HS6ST3: variants seen among roughly 807,000 people sequenced by gnomAD.
HS6ST3 encodes the protein heparan-sulfate 6-O-sulfotransferase 3.
A neutral mutation model predicts 36.7 loss-of-function variants in HS6ST3; 12 were observed. That is an observed-to-expected ratio of 0.33 (90% CI 0.21 to 0.53). The LOEUF (loss-of-function observed/expected upper bound fraction) is 0.53, where lower values mean the gene tolerates loss of function less well. Ranked by LOEUF, HS6ST3 falls within the 20% of genes least tolerant of loss-of-function variation. HS6ST3 has a pLI of 0.95. For missense variants in HS6ST3, 584 were observed against 640.9 expected (o/e 0.91, Z 0.96); for synonymous variants, 240 against 257.5 (o/e 0.93, Z 0.65).
chr13:96,577,596 C>A (rs2056326577), intron 1 of HS6ST3, among the ~76,000 whole-genome samples: 1 of 152,032 alleles, frequency 6.6e-6, no homozygotes, highest in Non-Finnish European at 1.5e-5. Context: ...ATCGCCTATC[C>A]ATCTGACAAA....
At chr13:96,609,123 C>G (rs896902680) in intron 1 of HS6ST3, among the ~76,000 whole-genome samples, 5 of 141,242 alleles carry the variant, frequency 3.5e-5, no homozygotes, top group African/African-American at 9.9e-5. Context: ...GCGCCCGCCA[C>G]CACGCCCAGC....
At chr13:96,668,686 C>CTTTTTTT (rs146033180) in intron 1 of HS6ST3, among the ~76,000 whole-genome samples, 18 of 58,940 alleles carry the variant, frequency 3.1e-4, no homozygotes, top group African/African-American at 5.4e-4. Context: ...TAGTGCCAAC[C>CTTTTTTT]TTTTTTTTTT....
intron 1 of HS6ST3, among the ~76,000 whole-genome samples, chr13:96,210,584 CT>C (rs201409959): frequency 0.054 from 7,828 of 144,684 alleles, 272 homozygotes; most frequent in Admixed American, 0.13. Context: ...TCATTTCTTT[CT>C]TTTTTTTTTT....
rs80108518 is a variant in HS6ST3 at position 96,493,035 on chromosome 13, A to G, written c.708-339455A>G. On this transcript the variant is annotated intron_variant, in intron 1 of 1. Coordinates refer to ENST00000376705, the MANE Select transcript of HS6ST3 (RefSeq NM_153456.4). ...GCGAGGACAACTTTAATTTCTCAGA[A>G]CCACGCTTAGAAAAAGTTGCCCTTC... is the stretch of plus-strand genomic sequence containing the variant. 5.2e-4 allele frequency among the ~76,000 whole-genome samples: 79 copies of G among 152,250 alleles called. 1 individual carries two copies. Among genetic ancestry groups the G allele is most frequent in the African/African-American group, 1.7e-3 (72 of 41,536 alleles).
intron 1 of HS6ST3, among the ~76,000 whole-genome samples, chr13:96,453,643 G>A (rs2139486946): frequency 6.6e-6 from 1 of 152,142 alleles, no homozygotes; most frequent in African/African-American, 2.4e-5. Flanking sequence ...CGGGTTCTAG[G>A]GTAGAATTAT....
intron 1 of HS6ST3, among the ~76,000 whole-genome samples, chr13:96,255,047 T>C (rs938593817): frequency 1.3e-5 from 2 of 152,196 alleles, no homozygotes; most frequent in Admixed American, 1.3e-4. Flanking sequence ...GATATTCCAT[T>C]TTTCTTACTT....
chr13:96,508,820 T>C (rs947656867), intron 1 of HS6ST3, among the ~76,000 whole-genome samples: 2 of 152,176 alleles, frequency 1.3e-5, no homozygotes, highest in African/African-American at 4.8e-5. Flanking sequence ...CAGTTTTGAA[T>C]GTGCTGCTAT....
intron 1 of HS6ST3, among the ~76,000 whole-genome samples, chr13:96,223,348 T>G (rs2054464768): frequency 6.6e-6 from 1 of 152,214 alleles, no homozygotes; most frequent in Non-Finnish European, 1.5e-5. Context: ...GCGTGCTTGT[T>G]GTGTTGGTCA....
intron 1 of HS6ST3, among the ~76,000 whole-genome samples, chr13:96,291,339 A>G (rs1379878596): frequency 1.3e-5 from 2 of 152,208 alleles, no homozygotes; most frequent in African/African-American, 4.8e-5. Context: ...GGGCTTGTTT[A>G]GTATTGATGA....
At chr13:96,272,217 C>T (rs997410875) in intron 1 of HS6ST3, among the ~76,000 whole-genome samples, 3 of 151,926 alleles carry the variant, frequency 2.0e-5, no homozygotes, top group Admixed American at 6.6e-5. Context: ...GCTTGGAATT[C>T]AAAACATATT....
chr13:96,347,350 A>G (rs376142204), intron 1 of HS6ST3, among the ~76,000 whole-genome samples: 53 of 152,302 alleles, frequency 3.5e-4, no homozygotes, highest in African/African-American at 1.3e-3. Flanking sequence ...CATTCATCCC[A>G]ACCACTTTTA....
intron 1 of HS6ST3, among the ~76,000 whole-genome samples, chr13:96,152,989 C>T (rs1174791405): frequency 1.3e-5 from 2 of 152,168 alleles, no homozygotes; most frequent in Admixed American, 1.3e-4. Flanking sequence ...CATTTCCCCT[C>T]CCTACCTGTT....
chr13:96,744,872 T>C (rs900101408), intron 1 of HS6ST3, among the ~76,000 whole-genome samples: 1 of 152,110 alleles, frequency 6.6e-6, no homozygotes, highest in African/African-American at 2.4e-5. Flanking sequence ...TCTACATACT[T>C]GGGCTGTGTT....
At chr13:96,261,419 G>A (rs2139383370) in intron 1 of HS6ST3, among the ~76,000 whole-genome samples, 1 of 152,138 alleles carries the variant, frequency 6.6e-6, no homozygotes, top group African/African-American at 2.4e-5. Flanking sequence ...AAGGGCATAT[G>A]GAACTGTGAA....
intron 1 of HS6ST3, among the ~76,000 whole-genome samples, chr13:96,769,259 A>G (rs1877197629): frequency 6.6e-6 from 1 of 152,298 alleles, no homozygotes; most frequent in East Asian, 1.9e-4. Context: ...TTAGAGAGCC[A>G]TTAGGATAGA....
At chr13:96,618,081 C>T (rs1199278628) in intron 1 of HS6ST3, among the ~76,000 whole-genome samples, 1 of 152,052 alleles carries the variant, frequency 6.6e-6, no homozygotes, top group Non-Finnish European at 1.5e-5. Context: ...TTGGGCAACC[C>T]CTGTGAGCCT....
chr13:96,804,928 G>A (rs1878160629), intron 1 of HS6ST3, among the ~76,000 whole-genome samples: 1 of 152,094 alleles, frequency 6.6e-6, no homozygotes, highest in Admixed American at 6.5e-5. Flanking sequence ...ACATATATAT[G>A]TATTTATGTA....
intron 1 of HS6ST3, among the ~76,000 whole-genome samples, chr13:96,213,456 C>A (rs1045081505): frequency 2.6e-5 from 4 of 152,124 alleles, no homozygotes; most frequent in Non-Finnish European, 5.9e-5. Context: ...GACAGCTGAG[C>A]TGAACACCAA....
intron 1 of HS6ST3, among the ~76,000 whole-genome samples, chr13:96,400,155 T>TCACACACACA (rs55957302): frequency 0.024 from 3,509 of 145,400 alleles, 81 homozygotes; most frequent in East Asian, 0.082. Context: ...AGTGCTGAAA[T>TCACACACACA]CACACACACA....
Sources: gnomAD v4.1 joint callset for allele counts (sites outside exome capture counted in the v4.1 genomes callset) on GRCh38, gnomAD v4.1.1 for gene constraint, MANE v1.5 for transcripts, NCBI Gene and HGNC (gene_info 2026-07-23, HGNC 2026-07-21) for gene names.